The following RPAIN variants were observed in gnomAD, a reference collection of about 807,000 sequenced individuals.
The protein encoded by RPAIN is RPA interacting protein.
A neutral mutation model predicts 30.5 loss-of-function variants in RPAIN; 29 were observed. That is an observed-to-expected ratio of 0.95 (90% CI 0.71 to 1.30). The LOEUF is 1.30. RPAIN is among the 50% of genes most tolerant of loss of function. The pLI is 0.00. For synonymous variants in RPAIN, 101 were observed against 93.5 expected, an observed-to-expected ratio of 1.08 and a Z score of -0.46; for missense variants, 247 against 264.7, an observed-to-expected ratio of 0.93 and a Z score of 0.46.
intron 2 of RPAIN, chr17:5,422,013 C>T (rs887201940): frequency 1.3e-5 from 2 of 151,294 alleles, no homozygotes; most frequent in Admixed American, 6.6e-5. Flanking sequence ...GTCTTGAACG[C>T]CTGACCTCTA....
rs1487399513 is a variant in RPAIN, at chr17:5,432,286, T to C, written c.631-256T>C. ...ATGGTGAGGATGTTTGATTAGTTCATCTACAGGATTTGATCTTAGCTTGAA... is the reference window on the plus strand; with the variant it reads ...ATGGTGAGGATGTTTGATTAGTTCACCTACAGGATTTGATCTTAGCTTGAA... On this transcript the variant is annotated intron_variant, in intron 6 of 6. Coordinates refer to ENST00000381209, the MANE Select transcript of RPAIN (RefSeq NM_001033002.4). 9.0e-6 allele frequency: 4 copies of C among 442,108 alleles called. No individual in the cohort carries two copies. In the East Asian group the frequency reaches 1.4e-4, roughly 16 times the overall value. The allele number at this position is 442,108 out of a possible 1,614,324, so 27.4% of individuals were successfully genotyped here. A position where few individuals can be genotyped will look rare whatever the true frequency, so the allele number is the denominator to read the frequency against.
At chr17:5,428,048 G>A (rs746495494) in intron 5 of RPAIN, 23 bp from the exon 6 acceptor site, 8 of 1,613,450 alleles carry the variant, frequency 5.0e-6, no homozygotes, top group African/African-American at 2.7e-5. Context: ...ACTGAGAGGA[G>A]GTTGAACTTT....
chr17:5,431,147 G>A (rs1449569710), intron 6 of RPAIN: 6 of 315,472 alleles, frequency 1.9e-5, no homozygotes, highest in African/African-American at 1.3e-4. Context: ...GGGTGGGCAG[G>A]AAGACCATTG....
At position 5,423,969 on chromosome 17, in the gene RPAIN, CA is replaced by C. The variant is rs1567585560; in HGVS notation, c.313+1146del. On this transcript the variant is annotated intron_variant, in intron 3 of 6. Coordinates refer to ENST00000381209, the MANE Select transcript of RPAIN (RefSeq NM_001033002.4). ...TTAGCTAAAGATGATAAAAACAAGA[CA>C]AAAAATTATTTTATTTATGTATTTT... Among the ~76,000 whole-genome samples, 5 of 147,908 alleles carry C rather than the reference CA, an allele frequency of 3.4e-5. No homozygotes were observed. In the South Asian group the frequency reaches 8.8e-4, roughly 26 times the overall value.
chr17:5,432,646 C>A lies in RPAIN; in HGVS notation c.*75C>A. The A allele has an allele frequency of 7.5e-7, 1 of 1,331,700 alleles. No individual in the cohort carries two copies. The highest frequency in any genetic ancestry group is 1.1e-6 in the Non-Finnish European group (1 of 940,126). The allele number at this position is 1,331,700 out of a possible 1,614,324, so 82.5% of individuals were successfully genotyped here. A position where few individuals can be genotyped will look rare whatever the true frequency, so the allele number is the denominator to read the frequency against. On this transcript the variant is annotated 3_prime_UTR_variant, in exon 7 of 7. Coordinates refer to ENST00000381209, the MANE Select transcript of RPAIN (RefSeq NM_001033002.4). The stretch of plus-strand genomic sequence containing the variant: ...CTCTGAGGAGCCTTGTACATACAAG[C>A]CTTTTATTTATAACTTATTTTGTAT...
chr17:5,426,281 C>G lies in RPAIN; in HGVS notation c.471C>G (p.Gly157=). Residue 157 remains glycine (G), a synonymous_variant, in exon 5 of 7, where the codon GGC becomes GGG. Coordinates refer to ENST00000381209, the MANE Select transcript of RPAIN (RefSeq NM_001033002.4). ...GCGGTGTGGTGGTGTGTCAGTGTGG[C>G]CTGTCCATCCCATCTCATGTGAGTG... is the stretch of plus-strand genomic sequence containing the variant. ...ITSGVVVCQC[G]LSIPSHSSEL... 6.2e-7 allele frequency: 1 copy of G among 1,613,960 alleles called. No homozygotes were observed. Among genetic ancestry groups the G allele is most frequent in the Non-Finnish European group, 8.5e-7 (1 of 1,179,858 alleles).
intron 1 of RPAIN, 23 bp from the exon 2 acceptor site, chr17:5,421,273 C>G (rs780972158): frequency 1.5e-5 from 24 of 1,571,164 alleles, no homozygotes; most frequent in South Asian, 2.4e-5. Context: ...TTTTTCCCCC[C>G]CAATCTTGCT....
intron 3 of RPAIN, among the ~76,000 whole-genome samples, chr17:5,425,742 G>T (rs140729349): frequency 6.6e-6 from 1 of 152,154 alleles, no homozygotes; most frequent in East Asian, 1.9e-4. Context: ...TTGTCTCCTC[G>T]GCCCTTAGCC....
In RPAIN at chr17:5,421,435, C is replaced by T. The variant is rs562389236; in HGVS notation, c.221C>T (p.Ser74Leu). 7 of 1,613,980 alleles carry T rather than the reference C, an allele frequency of 4.3e-6. No homozygotes were observed. The East Asian group carries it at 1.1e-4, about 26-fold the overall frequency. Residue 74 changes from serine to leucine, a missense_variant, in exon 2 of 7, where the codon TCA becomes TTA. Coordinates refer to ENST00000381209, the MANE Select transcript of RPAIN (RefSeq NM_001033002.4). ...VMEEEWNALQ[S>L]VENCPEDLAQ... ...GAAGAAGAGTGGAATGCTTTGCAGT[C>T]AGTGGAGAATTGTCCAGAAGACTTG...
intron 6 of RPAIN, chr17:5,428,576 A>G (rs8070740): frequency 0.27 from 301,634 of 1,113,566 alleles, 46,859 homozygotes; most frequent in East Asian, 0.81. Flanking sequence ...GGGCAGAAGC[A>G]TAGCAGGGCA....
chr17:5,429,604 A>G, intron 6 of RPAIN: 1 of 985,426 alleles, frequency 1.0e-6, no homozygotes, highest in Non-Finnish European at 1.2e-6. Flanking sequence ...ATCAGCTTGT[A>G]TGGAAAGAGA....
At chr17:5,423,122 G>A (rs1373322784) in intron 3 of RPAIN, 2 of 249,724 alleles carry the variant, frequency 8.0e-6, no homozygotes, top group Non-Finnish European at 1.5e-5. Context: ...TCTCGTGCAG[G>A]TCATACAGCT....
intron 6 of RPAIN, chr17:5,431,988 C>G (rs1431121359): frequency 3.6e-6 from 1 of 275,074 alleles, no homozygotes; most frequent in African/African-American, 2.3e-5. Context: ...TTTGCAACCT[C>G]TGGCATAAAT....
chr17:5,425,958 C>A lies in RPAIN; in HGVS notation c.314-13C>A, dbSNP rs1385114306. On this transcript the variant is annotated splice_polypyrimidine_tract_variant and intron_variant, in intron 3 of 6. Transcript: ENST00000381209. ...AAGCATGGTGAAGCCCTCCAACTGC[C>A]TTTGCCTTGCAGAGCAGTCCATCAT... The A allele has an allele frequency of 2.5e-6, 4 of 1,587,970 alleles. No individual in the cohort carries two copies. Among genetic ancestry groups the A allele is most frequent in the Non-Finnish European group, 3.5e-6 (4 of 1,157,148 alleles).
At chr17:5,425,210 C>T (rs543835938) in intron 3 of RPAIN, 1 of 412,776 alleles carries the variant, frequency 2.4e-6, no homozygotes, top group East Asian at 8.1e-5. Context: ...ATCTTTGTGC[C>T]CCTGTGACTA....
intron 6 of RPAIN, chr17:5,428,717 T>C (rs912745376): frequency 7.0e-6 from 7 of 1,004,746 alleles, no homozygotes; most frequent in Non-Finnish European, 8.5e-6. Context: ...AAGCGTGCTA[T>C]AGGAACCAAT....
At position 5,432,769 on chromosome 17, in the gene RPAIN, A is replaced by C. The variant is rs1916111997; in HGVS notation, c.*198A>C. On this transcript the variant is annotated 3_prime_UTR_variant, in exon 7 of 7. Coordinates refer to ENST00000381209, the MANE Select transcript of RPAIN (RefSeq NM_001033002.4). Reference sequence around the variant, plus strand: ...TGAAGGGGGAGGAATAGAAAAAGACAAACTGCCTTGGAGGAGATAAACCAA... The same window carrying C: ...TGAAGGGGGAGGAATAGAAAAAGACCAACTGCCTTGGAGGAGATAAACCAA... The C allele has an allele frequency of 5.2e-6, 4 of 767,866 alleles. No homozygotes were observed. The highest frequency in any genetic ancestry group is 8.0e-6 in the Non-Finnish European group (4 of 501,144). The allele number at this position is 767,866 out of a possible 1,614,324, so 47.6% of individuals were successfully genotyped here.
chr17:5,429,842 G>A (rs984141094), intron 6 of RPAIN: 10 of 885,436 alleles, frequency 1.1e-5, no homozygotes, highest in Middle Eastern at 1.1e-3. Context: ...AATATGCCGT[G>A]TACTTCATTC....
Position 5,431,476 on chromosome 17 carries a change from T to C in RPAIN, c.631-1066T>C, listed in dbSNP as rs763531955. 1.6e-4 allele frequency: 42 copies of C among 264,690 alleles called. No homozygotes were observed. In the Admixed American group the frequency reaches 1.6e-3, roughly 10 times the overall value. 16.4% of individuals were successfully genotyped at this position (264,690 alleles called of 1,614,324 possible). ...CGCTCCAGGCTGGGTGACAGCGAGA[T>C]TGTGCCTTAAAAAAAAAAAAAAAAG... On this transcript the variant is annotated intron_variant, in intron 6 of 6. Coordinates refer to ENST00000381209, the MANE Select transcript of RPAIN (RefSeq NM_001033002.4).
Sources: gnomAD v4.1 joint callset for allele counts (sites outside exome capture counted in the v4.1 genomes callset) on GRCh38, gnomAD v4.1.1 for gene constraint, MANE v1.5 for transcripts, NCBI Gene and HGNC (gene_info 2026-07-23, HGNC 2026-07-21) for gene names.